Variants in MAGI2 observed in about 807,000 individuals in gnomAD.
MAGI2 encodes the protein membrane associated guanylate kinase, WW and PDZ domain containing 2, also known as membrane-associated guanylate kinase, WW and PDZ domain-containing protein 2.
Under a neutral mutation model 133.3 loss-of-function variants are expected in MAGI2, and 35 were observed. That is an observed-to-expected ratio of 0.26 (90% CI 0.20 to 0.35). The LOEUF is 0.35. Among genes scored for constraint, MAGI2 ranks in the 10% least tolerant of loss-of-function variants. The pLI is 1.00. For synonymous variants in MAGI2, 729 were observed against 710.6 expected (o/e 1.03, Z -0.41); for missense variants, 1,636 against 1,863.4 (o/e 0.88, Z 2.25).
chr7:78,593,545 C>G (rs1323800015), intron 3 of MAGI2, among the ~76,000 whole-genome samples: 1 of 152,074 alleles, frequency 6.6e-6, no homozygotes, highest in Non-Finnish European at 1.5e-5. Context: ...GACTGGGCTT[C>G]TTGTTTTAGA....
chr7:78,413,528 T>C (rs1316813010), intron 6 of MAGI2, among the ~76,000 whole-genome samples: 1 of 152,040 alleles, frequency 6.6e-6, no homozygotes, highest in Non-Finnish European at 1.5e-5. Context: ...AAATGCCTAA[T>C]AAACAGTTGG....
chr7:78,821,309 G>T (rs909705456), intron 2 of MAGI2, among the ~76,000 whole-genome samples: 1 of 151,972 alleles, frequency 6.6e-6, no homozygotes, highest in Non-Finnish European at 1.5e-5. Context: ...GAGTACTAAA[G>T]GAAACAGCCA....
chr7:78,149,827 A>G (rs3807692), intron 16 of MAGI2, among the ~76,000 whole-genome samples: 28,561 of 152,150 alleles, frequency 0.19, 2,895 homozygotes, highest in East Asian at 0.36. Context: ...GGTACCCAAC[A>G]TCTGGCCATT....
chr7:78,677,646 G>A (rs1201688332), intron 2 of MAGI2, among the ~76,000 whole-genome samples: 1 of 152,008 alleles, frequency 6.6e-6, no homozygotes, highest in Non-Finnish European at 1.5e-5. Context: ...GATTTCTTCT[G>A]AGTTAAGAAG....
At chr7:78,488,864 T>A (rs1421708548) in intron 6 of MAGI2, among the ~76,000 whole-genome samples, 2 of 152,044 alleles carry the variant, frequency 1.3e-5, no homozygotes, top group East Asian at 3.9e-4. Flanking sequence ...ATGAGACACT[T>A]TTTTAAAAGT....
intron 1 of MAGI2, among the ~76,000 whole-genome samples, chr7:79,117,127 TA>T (rs1179206640): frequency 6.6e-6 from 1 of 152,294 alleles, no homozygotes; most frequent in East Asian, 1.9e-4. Context: ...TCAAATAATT[TA>T]AATATATATA....
intron 2 of MAGI2, among the ~76,000 whole-genome samples, chr7:78,690,169 T>C (rs13237827): frequency 0.29 from 43,364 of 152,128 alleles, 6,203 homozygotes; most frequent in Middle Eastern, 0.31. Flanking sequence ...TCCTATCTTT[T>C]AATTCTTGAC....
intron 6 of MAGI2, chr7:78,485,224 A>T (rs1170491273): frequency 1.3e-5 from 2 of 151,940 alleles, no homozygotes; most frequent in Admixed American, 6.6e-5. Flanking sequence ...GTGGCATTTT[A>T]AAAAAGACTA....
At chr7:78,958,767 T>C (rs571191228) in intron 2 of MAGI2, among the ~76,000 whole-genome samples, 1 of 152,208 alleles carries the variant, frequency 6.6e-6, no homozygotes, top group African/African-American at 2.4e-5. Flanking sequence ...TTCCAAGCAA[T>C]TGGATTACCT....
At chr7:78,854,825 C>A (rs182593126) in intron 2 of MAGI2, among the ~76,000 whole-genome samples, 17 of 151,378 alleles carry the variant, frequency 1.1e-4, no homozygotes, top group Non-Finnish European at 1.8e-4. Flanking sequence ...AAGCAACAAG[C>A]TTTGGTCAAC....
chr7:79,234,623 G>A (rs891598259), intron 1 of MAGI2, among the ~76,000 whole-genome samples: 6 of 151,864 alleles, frequency 4.0e-5, no homozygotes, highest in African/African-American at 9.7e-5. Context: ...CGTAGGTCTC[G>A]AGCCTTGGTT....
intron 1 of MAGI2, among the ~76,000 whole-genome samples, chr7:79,042,926 A>G (rs1355978073): frequency 1.3e-5 from 2 of 152,172 alleles, no homozygotes; most frequent in Non-Finnish European, 2.9e-5. Flanking sequence ...CAATACCAAG[A>G]AGACCCCTCA....
At chr7:79,438,450 CT>C (rs1848289340) in intron 1 of MAGI2, among the ~76,000 whole-genome samples, 1 of 152,082 alleles carries the variant, frequency 6.6e-6, no homozygotes, top group Admixed American at 6.6e-5. Flanking sequence ...TACTTATGCA[CT>C]AAGAACCACA....
intron 12 of MAGI2, among the ~76,000 whole-genome samples, chr7:78,194,074 G>A (rs112046622): frequency 4.6e-5 from 7 of 152,176 alleles, no homozygotes; most frequent in East Asian, 3.8e-4. Flanking sequence ...TCAGCAGACC[G>A]TAATGGGAGC....
At chr7:78,459,033 A>G (rs1354163708) in intron 6 of MAGI2, among the ~76,000 whole-genome samples, 2 of 152,262 alleles carry the variant, frequency 1.3e-5, no homozygotes, top group Non-Finnish European at 2.9e-5. Flanking sequence ...GACTGATAAT[A>G]CTGAGTTTGA....
At chr7:78,072,051 G>A (rs532167440) in intron 21 of MAGI2, among the ~76,000 whole-genome samples, 12 of 152,252 alleles carry the variant, frequency 7.9e-5, no homozygotes, top group Admixed American at 5.9e-4. Context: ...TAACACGTCC[G>A]GGCTCCCAGA....
chr7:79,385,634 TTC>T (rs1844120720), intron 1 of MAGI2, among the ~76,000 whole-genome samples: 1 of 151,924 alleles, frequency 6.6e-6, no homozygotes, highest in Non-Finnish European at 1.5e-5. Context: ...GTATTTTTCT[TTC>T]TGTGTCTGCA....
intron 9 of MAGI2, among the ~76,000 whole-genome samples, chr7:78,276,787 AGTAATATCACTGGT>A (rs985250810): frequency 6.6e-6 from 1 of 152,178 alleles, no homozygotes; most frequent in Non-Finnish European, 1.5e-5. Context: ...CTATGAGAAT[AGTAATATCACTGGT>A]GTGCATGAAA....
At chr7:78,110,092 A>C (rs11761224) in intron 20 of MAGI2, among the ~76,000 whole-genome samples, 33,326 of 151,916 alleles carry the variant, frequency 0.22, 3,864 homozygotes, top group South Asian at 0.29. Flanking sequence ...TCCCTGATAG[A>C]AGTACATTTT....
Sources: gnomAD v4.1 joint callset for allele counts (sites outside exome capture counted in the v4.1 genomes callset) on GRCh38, gnomAD v4.1.1 for gene constraint, MANE v1.5 for transcripts, NCBI Gene and HGNC (gene_info 2026-07-23, HGNC 2026-07-21) for gene names.